TGFBR3: variants seen among roughly 807,000 people sequenced by gnomAD.
TGFBR3 encodes the protein transforming growth factor beta receptor 3.
A neutral mutation model predicts 87.9 loss-of-function variants in TGFBR3; 46 were observed. That is an observed-to-expected ratio of 0.52 (90% CI 0.41 to 0.67). The LOEUF is 0.67. Ranked by LOEUF, TGFBR3 falls within the 30% of genes least tolerant of loss-of-function variation. The pLI is 0.00. For missense variants in TGFBR3, 866 were observed against 1,041.9 expected (o/e 0.83, Z 2.32); for synonymous variants, 381 against 391.6 (o/e 0.97, Z 0.32).
chr1:91,882,611 G>A lies in TGFBR3; in HGVS notation c.-114+3267C>T, dbSNP rs1054917003. Among the ~76,000 whole-genome samples, 15 of 152,202 alleles carry A rather than the reference G, an allele frequency of 9.9e-5. No homozygotes were observed. The East Asian group carries it at 2.9e-3, about 30-fold the overall frequency. Reference sequence around the variant, plus strand: ...TACAAAAAAATTAGCCGGGCATGGTGGCGAGTGCCTGTAGTTACAGCTGCT... The same window carrying A: ...TACAAAAAAATTAGCCGGGCATGGTAGCGAGTGCCTGTAGTTACAGCTGCT... On this transcript the variant is annotated intron_variant, in intron 1 of 16. Coordinates refer to ENST00000212355, the MANE Select transcript of TGFBR3 (RefSeq NM_003243.5).
intron 3 of TGFBR3, among the ~76,000 whole-genome samples, chr1:91,796,173 C>T (rs1675373789): frequency 6.6e-6 from 1 of 152,198 alleles, no homozygotes; most frequent in South Asian, 2.1e-4. Context: ...CACACAGAAG[C>T]TTAAAAACAG....
Position 91,796,905 on chromosome 1 carries a change from T to G in TGFBR3, c.246+382A>C, listed in dbSNP as rs569326960. ...CTAATTTTTTTTTTTTTTAGTTTTA[T>G]TTTTAGTAGAGATGAGGTCTTGCTA... is the stretch of plus-strand genomic sequence containing the variant. On this transcript the variant is annotated intron_variant, in intron 3 of 16. Coordinates refer to ENST00000212355, the MANE Select transcript of TGFBR3 (RefSeq NM_003243.5). 5.9e-5 allele frequency among the ~76,000 whole-genome samples: 9 copies of G among 151,944 alleles called. No individual in the cohort carries two copies. The South Asian group carries it at 6.3e-4, about 11-fold the overall frequency.
At position 91,778,432 on chromosome 1, in the gene TGFBR3, A is replaced by G. The variant is rs894641565; in HGVS notation, c.246+18855T>C. The stretch of plus-strand genomic sequence containing the variant: ...CTCAAGTTTAAACAAAAAAGATCAC[A>G]ACAGAGGGAAGACCAAAAAAGAGGG... On this transcript the variant is annotated intron_variant, in intron 3 of 16. Coordinates refer to ENST00000212355, the MANE Select transcript of TGFBR3 (RefSeq NM_003243.5). Among the ~76,000 whole-genome samples, 15 of 152,332 alleles carry G rather than the reference A, an allele frequency of 9.8e-5. No individual in the cohort carries two copies. The South Asian group carries it at 1.7e-3, about 17-fold the overall frequency.
intron 2 of TGFBR3, among the ~76,000 whole-genome samples, chr1:91,823,518 C>T (rs1676526025): frequency 6.6e-6 from 1 of 152,134 alleles, no homozygotes; most frequent in Admixed American, 6.5e-5. Flanking sequence ...ATATCCATAC[C>T]GCGGAAAACA....
At chr1:91,734,661 T>C (rs2306887) in intron 5 of TGFBR3, 115 bp downstream of exon 5, 421,271 of 1,349,226 alleles carry the variant, frequency 0.31, 69,269 homozygotes, top group African/African-American at 0.51. Context: ...CTCAGGTCCC[T>C]TCCAGGTCCA....
intron 6 of TGFBR3, among the ~76,000 whole-genome samples, chr1:91,728,229 T>G (rs993586430): frequency 2.0e-5 from 3 of 151,932 alleles, no homozygotes; most frequent in African/African-American, 7.3e-5. Flanking sequence ...GTTTGGTGAG[T>G]TGGGGGCGGG....
intron 3 of TGFBR3, among the ~76,000 whole-genome samples, chr1:91,772,078 C>G (rs922675043): frequency 1.3e-5 from 2 of 152,098 alleles, no homozygotes; most frequent in East Asian, 3.9e-4. Context: ...AGAAGAATGT[C>G]GTTGAAAGGG....
intron 2 of TGFBR3, among the ~76,000 whole-genome samples, chr1:91,893,955 C>T (rs1020393706): frequency 2.0e-5 from 3 of 150,170 alleles, no homozygotes; most frequent in Non-Finnish European, 4.4e-5. Context: ...TTTGGCCAGG[C>T]GCGGTGGCTC....
intron 1 of TGFBR3, among the ~76,000 whole-genome samples, chr1:91,880,595 C>A (rs1679043965): frequency 6.6e-6 from 1 of 151,260 alleles, no homozygotes. Flanking sequence ...GAGACTCCGT[C>A]CCAAAAAAAA....
At chr1:91,690,548 T>C (rs983795372) in intron 16 of TGFBR3, among the ~76,000 whole-genome samples, 2 of 152,152 alleles carry the variant, frequency 1.3e-5, no homozygotes, top group African/African-American at 4.8e-5. Context: ...TCCTACTTTG[T>C]AACAAATTTG....
intron 1 of TGFBR3, among the ~76,000 whole-genome samples, chr1:91,901,417 C>T (rs1679716626): frequency 6.6e-6 from 1 of 152,138 alleles, no homozygotes; most frequent in African/African-American, 2.4e-5. Flanking sequence ...TATAGTGAAA[C>T]AAGGCAATCT....
chr1:91,710,800 T>C (rs1479200834), intron 13 of TGFBR3, among the ~76,000 whole-genome samples: 4 of 152,174 alleles, frequency 2.6e-5, no homozygotes, highest in Non-Finnish European at 5.9e-5. Context: ...AAAGTCCCAT[T>C]GGTGGCAGCA....
chr1:91,723,860 AT>A (rs1196500495), intron 7 of TGFBR3, among the ~76,000 whole-genome samples: 3 of 152,116 alleles, frequency 2.0e-5, no homozygotes, highest in Non-Finnish European at 4.4e-5. Flanking sequence ...TAAATTCCTC[AT>A]TTGTTTCCCA....
chr1:91,769,855 C>T, intron 3 of TGFBR3, among the ~76,000 whole-genome samples: 1 of 152,144 alleles, frequency 6.6e-6, no homozygotes, highest in East Asian at 1.9e-4. Context: ...CCACAGCAAC[C>T]AGACTACAAA....
At chr1:91,830,460 A>G (rs1676814979) in intron 2 of TGFBR3, among the ~76,000 whole-genome samples, 2 of 152,134 alleles carry the variant, frequency 1.3e-5, no homozygotes, top group Non-Finnish European at 2.9e-5. Flanking sequence ...TTTCATAAAC[A>G]AAGCCCAGTT....
intron 14 of TGFBR3, among the ~76,000 whole-genome samples, chr1:91,700,167 C>G (rs76335255): frequency 0.019 from 2,830 of 152,288 alleles, 73 homozygotes; most frequent in African/African-American, 0.064. Flanking sequence ...TAATCACTAT[C>G]TGGTCCCTTA....
chr1:91,902,012 G>A (rs1192525588), intron 1 of TGFBR3, among the ~76,000 whole-genome samples: 1 of 150,392 alleles, frequency 6.6e-6, no homozygotes, highest in South Asian at 2.1e-4. Flanking sequence ...AAAATCAGTA[G>A]GCTCCATTAA....
At chr1:91,780,325 ACT>A (rs1031097488) in intron 3 of TGFBR3, among the ~76,000 whole-genome samples, 8 of 152,268 alleles carry the variant, frequency 5.3e-5, no homozygotes, top group African/African-American at 1.4e-4. Flanking sequence ...TCTTCTGTTA[ACT>A]CTCTCAATTC....
intron 12 of TGFBR3, 91 bp from the exon 13 acceptor site, chr1:91,712,633 GA>G: frequency 8.8e-7 from 1 of 1,137,962 alleles, no homozygotes; most frequent in Non-Finnish European, 1.3e-6. Flanking sequence ...CAGCCCTTCA[GA>G]TGACACGCTG....
Sources: gnomAD v4.1 joint callset for allele counts (sites outside exome capture counted in the v4.1 genomes callset) on GRCh38, gnomAD v4.1.1 for gene constraint, MANE v1.5 for transcripts, NCBI Gene and HGNC (gene_info 2026-07-23, HGNC 2026-07-21) for gene names.